The following PLCB1 variants were observed in gnomAD, a reference collection of about 807,000 sequenced individuals.
The protein encoded by PLCB1 is phospholipase C beta 1.
PLCB1 carries 46 observed loss-of-function variants against 161.8 expected under a neutral mutation model. The observed-to-expected ratio is 0.28, with a 90% CI of 0.22 to 0.36. PLCB1 has a LOEUF of 0.36. Among genes scored for constraint, PLCB1 ranks in the 10% least tolerant of loss-of-function variants. PLCB1 has a pLI of 1.00. For missense variants in PLCB1, 1,016 were observed against 1,472.5 expected (o/e 0.69, Z 5.07); for synonymous variants, 517 against 503.7 (o/e 1.03, Z -0.35).
rs538802206 is a variant in PLCB1, at chr20:8,548,837, T to TA, written c.247-79454dup. On this transcript the variant is annotated intron_variant, in intron 3 of 31. Coordinates refer to ENST00000338037, the MANE Select transcript of PLCB1 (RefSeq NM_015192.4). ...TTCAATAAATATTAGTAGAATAAGT[T>TA]AAAGTGCTTTACTGAGCTCTGAATG... Among the ~76,000 whole-genome samples the TA allele has an allele frequency of 5.9e-3, 897 of 152,352 alleles. 5 individuals are homozygous for TA. The highest frequency in any genetic ancestry group is 9.0e-3 in the Non-Finnish European group (612 of 68,040).
chr20:8,295,455 A>G (rs1481909773), intron 2 of PLCB1, among the ~76,000 whole-genome samples: 1 of 152,172 alleles, frequency 6.6e-6, no homozygotes, highest in African/African-American at 2.4e-5. Context: ...CTAATAAATT[A>G]TGAGAGTTTC....
intron 23 of PLCB1, among the ~76,000 whole-genome samples, chr20:8,752,861 A>T (rs1288905610): frequency 6.6e-6 from 1 of 151,950 alleles, no homozygotes; most frequent in Non-Finnish European, 1.5e-5. Context: ...TGTATATGTT[A>T]TAGAATCTTA....
At chr20:8,793,179 A>G (rs1267589157) in intron 31 of PLCB1, among the ~76,000 whole-genome samples, 1 of 152,258 alleles carries the variant, frequency 6.6e-6, no homozygotes, top group Non-Finnish European at 1.5e-5. Context: ...AGTCAGTTCC[A>G]TTCAGTCAGA....
intron 3 of PLCB1, among the ~76,000 whole-genome samples, chr20:8,388,440 C>T (rs1987495079): frequency 1.3e-5 from 2 of 152,118 alleles, no homozygotes; most frequent in South Asian, 2.1e-4. Context: ...GTTTCCCTGA[C>T]TTTGTACAGA....
At chr20:8,316,497 G>A (rs1326271487) in intron 2 of PLCB1, among the ~76,000 whole-genome samples, 1 of 152,070 alleles carries the variant, frequency 6.6e-6, no homozygotes, top group Non-Finnish European at 1.5e-5. Flanking sequence ...GCCAATTCAG[G>A]ACAGTTCTGT....
intron 20 of PLCB1, among the ~76,000 whole-genome samples, chr20:8,738,743 G>A (rs931361166): frequency 1.3e-5 from 2 of 152,118 alleles, no homozygotes; most frequent in South Asian, 4.1e-4. Context: ...ATAAAACATA[G>A]ATGAAGCCCT....
At chr20:8,634,989 C>T (rs190200901) in intron 4 of PLCB1, among the ~76,000 whole-genome samples, 12 of 152,174 alleles carry the variant, frequency 7.9e-5, no homozygotes, top group Non-Finnish European at 1.3e-4. Flanking sequence ...CTAGGCCTCC[C>T]GAGGGACTCA....
At chr20:8,722,473 C>T in intron 15 of PLCB1, 52 bp downstream of exon 15, 1 of 1,284,612 alleles carries the variant, frequency 7.8e-7, no homozygotes, top group Non-Finnish European at 1.1e-6. Flanking sequence ...CCTGTACTCT[C>T]CTGGGTCTGT....
chr20:8,615,576 A>G (rs1346450202), intron 3 of PLCB1, among the ~76,000 whole-genome samples: 1 of 152,164 alleles, frequency 6.6e-6, no homozygotes, highest in Non-Finnish European at 1.5e-5. Context: ...CCCTTTAGAA[A>G]CCATTCTTTG....
rs76788512 is a variant in PLCB1 at position 8,546,924 on chromosome 20, C to T, written c.247-81370C>T. Among the ~76,000 whole-genome samples, 1,228 of 152,208 alleles carry T rather than the reference C, an allele frequency of 8.1e-3. 22 individuals carry two copies. Among genetic ancestry groups the T allele is most frequent in the African/African-American group, 0.028 (1,158 of 41,500 alleles). Reference sequence around the variant, plus strand: ...TGGCAATGACTTTGCCTTATCTCTGCTCTGCTGTTTCTGGAGAGCATAATT... The same window carrying T: ...TGGCAATGACTTTGCCTTATCTCTGTTCTGCTGTTTCTGGAGAGCATAATT... On this transcript the variant is annotated intron_variant, in intron 3 of 31. Coordinates refer to ENST00000338037, the MANE Select transcript of PLCB1 (RefSeq NM_015192.4).
chr20:8,136,741 A>G (rs561430037), intron 1 of PLCB1, among the ~76,000 whole-genome samples: 22 of 152,006 alleles, frequency 1.4e-4, no homozygotes, highest in Non-Finnish European at 7.4e-5. Context: ...TTCAGACCTT[A>G]CTTCCATTCC....
At chr20:8,817,526 C>A (rs1985137947) in intron 31 of PLCB1, among the ~76,000 whole-genome samples, 1 of 152,182 alleles carries the variant, frequency 6.6e-6, no homozygotes, top group African/African-American at 2.4e-5. Context: ...ATGACCCACG[C>A]TTAGGCTCCA....
At position 8,745,239 on chromosome 20, in the gene PLCB1, G is replaced by A. The variant is rs115940396; in HGVS notation, c.2523+3666G>A. Among the ~76,000 whole-genome samples, 1,483 of 152,244 alleles carry A rather than the reference G, an allele frequency of 9.7e-3. 27 individuals carry two copies. Among genetic ancestry groups the A allele is most frequent in the African/African-American group, 0.034 (1,405 of 41,538 alleles). On this transcript the variant is annotated intron_variant, in intron 23 of 31. Transcript: ENST00000338037. ...GTCATTTCACACTTTGAGCATCAGT[G>A]TGTCTTTTTTCTTGTCTTGGAATAA... is the stretch of plus-strand genomic sequence containing the variant.
chr20:8,867,084 A>G (rs971013746), intron 31 of PLCB1, among the ~76,000 whole-genome samples: 3 of 152,202 alleles, frequency 2.0e-5, no homozygotes, highest in African/African-American at 7.2e-5. Flanking sequence ...GACATAACTG[A>G]GTTCATTCTA....
intron 9 of PLCB1, among the ~76,000 whole-genome samples, chr20:8,660,685 CT>C (rs1568550315): frequency 6.6e-6 from 1 of 152,142 alleles, no homozygotes; most frequent in Non-Finnish European, 1.5e-5. Flanking sequence ...AAGATGATGT[CT>C]CCTAGCATTT....
At chr20:8,221,552 C>T (rs142085918) in intron 2 of PLCB1, among the ~76,000 whole-genome samples, 1,853 of 152,224 alleles carry the variant, frequency 0.012, 43 homozygotes, top group African/African-American at 0.042. Flanking sequence ...AGGCTCCAGG[C>T]TGGCTCTTTG....
chr20:8,588,391 T>C (rs1987051248), intron 3 of PLCB1, among the ~76,000 whole-genome samples: 1 of 152,196 alleles, frequency 6.6e-6, no homozygotes, highest in African/African-American at 2.4e-5. Flanking sequence ...TCATATTTTA[T>C]TACTTATATA....
intron 3 of PLCB1, among the ~76,000 whole-genome samples, chr20:8,538,975 T>C (rs953604803): frequency 1.3e-5 from 2 of 151,880 alleles, no homozygotes; most frequent in African/African-American, 4.8e-5. Flanking sequence ...GTATTTTCAG[T>C]AGAGACAGGG....
intron 3 of PLCB1, among the ~76,000 whole-genome samples, chr20:8,544,890 G>C (rs1301166580): frequency 6.6e-6 from 1 of 152,120 alleles, no homozygotes; most frequent in Non-Finnish European, 1.5e-5. Context: ...GAGGGTATCT[G>C]TAACAAAATT....
Sources: allele counts gnomAD v4.1 joint callset (sites outside exome capture counted in the v4.1 genomes callset), GRCh38; gene constraint gnomAD v4.1.1; transcripts MANE v1.5; gene names NCBI Gene and HGNC (gene_info 2026-07-23, HGNC 2026-07-21).